The following PTPRN2 variants were observed in gnomAD, a reference collection of about 807,000 sequenced individuals.
The protein encoded by PTPRN2 is receptor-type tyrosine-protein phosphatase N2.
In PTPRN2, 74 loss-of-function variants were observed where a neutral mutation model predicts 118.8. That is an observed-to-expected ratio of 0.62 (90% CI 0.52 to 0.76). The LOEUF (loss-of-function observed/expected upper bound fraction) is 0.76. Ranked by LOEUF, PTPRN2 falls within the 30% of genes least tolerant of loss-of-function variation. The pLI is 0.00. For missense variants in PTPRN2, 1,481 were observed against 1,394.4 expected (o/e 1.06, Z -0.99); for synonymous variants, 641 against 608.0 (o/e 1.05, Z -0.80).
rs1169813010 is a variant in PTPRN2 at position 157,881,022 on chromosome 7, G to A, written c.1788+17651C>T. Among the ~76,000 whole-genome samples, 3 of 152,198 alleles carry A rather than the reference G, an allele frequency of 2.0e-5. No homozygotes were observed. Among genetic ancestry groups the A allele is most frequent in the Admixed American group, 2.0e-4 (3 of 15,282 alleles). ...AGCTCTAATCCCAGAACTTCCGAAT[G>A]TGACTGTATGTGGAGATGGAGTTGT... is the stretch of plus-strand genomic sequence containing the variant. On this transcript the variant is annotated intron_variant, in intron 12 of 22. Coordinates refer to ENST00000389418, the MANE Select transcript of PTPRN2 (RefSeq NM_002847.5). This position sits in a 1 kb window ranked among gnomAD's most constrained non-coding sequence, Gnocchi z 4.7.
intron 13 of PTPRN2, among the ~76,000 whole-genome samples, chr7:157,679,282 G>A (rs1796809740): frequency 2.0e-5 from 3 of 152,286 alleles, no homozygotes; most frequent in Non-Finnish European, 4.4e-5. Context: ...AGTTTGGTGC[G>A]AGTAGTCTGT....
At chr7:157,980,211 T>C (rs1403560476) in intron 11 of PTPRN2, among the ~76,000 whole-genome samples, 2 of 152,250 alleles carry the variant, frequency 1.3e-5, no homozygotes, top group South Asian at 2.1e-4. Context: ...GTATTCATTT[T>C]ATGCAGGCTG....
chr7:158,228,211 G>A (rs11762415), intron 3 of PTPRN2, among the ~76,000 whole-genome samples: 3 of 152,070 alleles, frequency 2.0e-5, no homozygotes, highest in Admixed American at 6.6e-5. Flanking sequence ...AATCAACTTA[G>A]TCAATGACTG....
At chr7:158,413,639 C>A (rs186098675) in intron 2 of PTPRN2, among the ~76,000 whole-genome samples, 1 of 152,346 alleles carries the variant, frequency 6.6e-6, no homozygotes, top group East Asian at 1.9e-4. Context: ...GGCGAGCCCA[C>A]CCCTCTCCCG....
intron 3 of PTPRN2, among the ~76,000 whole-genome samples, chr7:158,297,148 T>C (rs573237200): frequency 6.6e-6 from 1 of 152,338 alleles, no homozygotes; most frequent in East Asian, 1.9e-4. Context: ...GCACAGCACA[T>C]ATACAGCTTC....
intron 3 of PTPRN2, among the ~76,000 whole-genome samples, chr7:158,248,024 C>G (rs559167137): frequency 1.3e-5 from 2 of 152,286 alleles, no homozygotes; most frequent in East Asian, 3.9e-4. Flanking sequence ...AAAGGCTTGT[C>G]TCATAAAATC....
At chr7:157,882,654 A>G (rs1157747033) in intron 12 of PTPRN2, among the ~76,000 whole-genome samples, 2 of 150,820 alleles carry the variant, frequency 1.3e-5, no homozygotes, top group East Asian at 4.0e-4. Context: ...CCCCAAAAAG[A>G]CTGTCAGAGA....
At chr7:158,010,972 G>A (rs1010954851) in intron 11 of PTPRN2, among the ~76,000 whole-genome samples, 12 of 152,274 alleles carry the variant, frequency 7.9e-5, no homozygotes, top group African/African-American at 2.9e-4. Flanking sequence ...AATAACAATC[G>A]CCTCCACGGA....
At chr7:157,727,438 T>C (rs1273194684) in intron 12 of PTPRN2, among the ~76,000 whole-genome samples, 1 of 152,112 alleles carries the variant, frequency 6.6e-6, no homozygotes, top group Non-Finnish European at 1.5e-5. Context: ...AAGCCATCAC[T>C]AGAGGACACA....
chr7:157,985,783 A>G (rs1803737560), intron 11 of PTPRN2, among the ~76,000 whole-genome samples: 1 of 152,196 alleles, frequency 6.6e-6, no homozygotes, highest in Non-Finnish European at 1.5e-5. Context: ...GAAACCATGC[A>G]TCCAAATCCG....
Position 158,532,869 on chromosome 7 carries a change from G to A in PTPRN2, c.113-43084C>T, listed in dbSNP as rs139230958. 1.3e-3 allele frequency: 657 copies of A among 521,602 alleles called. 6 individuals carry two copies. Among genetic ancestry groups the A allele is most frequent in the African/African-American group, 0.01 (541 of 51,868 alleles). 32.3% of individuals were successfully genotyped at this position (521,602 alleles called of 1,614,324 possible). Reference sequence around the variant, plus strand: ...TGTGGCCCGTGCTGCACTCTGACGCGCAGACCATCTTGATGGCTCAGGGAC... The same window carrying A: ...TGTGGCCCGTGCTGCACTCTGACGCACAGACCATCTTGATGGCTCAGGGAC... On this transcript the variant is annotated intron_variant, in intron 1 of 22. Transcript: ENST00000389418.
intron 15 of PTPRN2, 98 bp downstream of exon 15, chr7:157,621,264 C>T (rs1321315647): frequency 3.4e-5 from 49 of 1,449,620 alleles, no homozygotes; most frequent in African/African-American, 1.5e-5. Flanking sequence ...CCGCCCGGAA[C>T]CCTGGCCTCC....
chr7:158,285,991 A>C (rs1482732188), intron 3 of PTPRN2, among the ~76,000 whole-genome samples: 1 of 152,194 alleles, frequency 6.6e-6, no homozygotes, highest in East Asian at 1.9e-4. Context: ...GGGATTAACA[A>C]GCAGCAGGGC....
chr7:158,451,983 A>G (rs1263959281), intron 2 of PTPRN2, among the ~76,000 whole-genome samples: 2 of 152,266 alleles, frequency 1.3e-5, no homozygotes, highest in Middle Eastern at 3.4e-3. Flanking sequence ...TATTTTCCAA[A>G]TGTCTGGCCA....
chr7:157,842,957 C>A (rs142633304), intron 12 of PTPRN2, among the ~76,000 whole-genome samples: 363 of 152,274 alleles, frequency 2.4e-3, no homozygotes, highest in African/African-American at 8.1e-3. Flanking sequence ...CAATCCACAC[C>A]GCAGACACAG....
At chr7:157,606,540 A>G (rs1345299795) in intron 15 of PTPRN2, among the ~76,000 whole-genome samples, 2 of 152,228 alleles carry the variant, frequency 1.3e-5, no homozygotes, top group Non-Finnish European at 2.9e-5. Flanking sequence ...GCTGCACACA[A>G]CACCAATTTC....
chr7:158,208,617 A>G (rs557275986), intron 3 of PTPRN2, among the ~76,000 whole-genome samples: 2 of 152,368 alleles, frequency 1.3e-5, no homozygotes, highest in South Asian at 4.1e-4. Flanking sequence ...GAAGGATTCC[A>G]TCAACAGCAG....
intron 1 of PTPRN2, among the ~76,000 whole-genome samples, chr7:158,534,167 G>A (rs1457000299): frequency 1.0e-5 from 1 of 95,712 alleles, no homozygotes; most frequent in African/African-American, 3.8e-5. Flanking sequence ...CCCACACCCC[G>A]GGCTCCGTCA....
At chr7:158,037,206 A>G (rs1331896827) in intron 11 of PTPRN2, among the ~76,000 whole-genome samples, 2 of 152,252 alleles carry the variant, frequency 1.3e-5, no homozygotes, top group East Asian at 3.8e-4. Context: ...TAAAAATACT[A>G]AAAGTTCATT....
Sources: gnomAD v4.1 joint callset for allele counts (sites outside exome capture counted in the v4.1 genomes callset) on GRCh38, gnomAD v4.1.1 for gene constraint, Gnocchi (gnomAD v3.1) non-coding constraint, MANE v1.5 for transcripts, NCBI Gene and HGNC (gene_info 2026-07-23, HGNC 2026-07-21) for gene names.